The following MTMR8 variants were observed in gnomAD, a reference collection of about 807,000 sequenced individuals.
MTMR8 encodes myotubularin related protein 8.
In MTMR8, 65 loss-of-function variants were observed where a neutral mutation model predicts 39.3. That is an observed-to-expected ratio of 1.65 (90% CI 1.35 to 2.03). The LOEUF is 2.03. Ranked by LOEUF, MTMR8 falls within the 30% of genes most tolerant of loss-of-function variation. The pLI is 0.00. For missense variants in MTMR8, 777 were observed against 538.9 expected (o/e 1.44, Z -4.37); for synonymous variants, 245 against 185.2 (o/e 1.32, Z -2.62).
At chrX:64,306,242 A>T (rs1922114189) in intron 12 of MTMR8, 1 of 333,758 alleles carries the variant, frequency 3.0e-6, no homozygotes, top group Admixed American at 2.9e-5. Flanking sequence ...CATTCTGATG[A>T]AGTGAATGGA....
At chrX:64,375,835 C>A (rs904663400) in intron 1 of MTMR8, among the ~76,000 whole-genome samples, 1 of 111,725 alleles carries the variant, frequency 9.0e-6, no homozygotes, top group South Asian at 3.8e-4. Context: ...GTGTCCCCAC[C>A]CAAATCTCAT....
At chrX:64,360,256 C>A in intron 1 of MTMR8, 2 of 165,312 alleles carry the variant, frequency 1.2e-5, no homozygotes, top group Admixed American at 7.6e-5. Flanking sequence ...AAGATATAGC[C>A]ATCATAAATA....
At chrX:64,318,164 G>T (rs757994727) in intron 12 of MTMR8, among the ~76,000 whole-genome samples, 2 of 112,014 alleles carry the variant, frequency 1.8e-5, no homozygotes, top group Admixed American at 1.9e-4. Context: ...GACACCTCAG[G>T]AACAGAAGTG....
At chrX:64,394,540 T>C (rs1232980877) in intron 1 of MTMR8, among the ~76,000 whole-genome samples, 5 of 111,598 alleles carry the variant, frequency 4.5e-5, no homozygotes, top group Non-Finnish European at 9.4e-5. Flanking sequence ...CACAGACTAG[T>C]TGTGAATTTT....
In MTMR8 at chrX:64,299,459, G is replaced by T. The variant is rs1325512440; in HGVS notation, c.1482-28386C>A. Among the ~76,000 whole-genome samples the T allele has an allele frequency of 3.7e-5, 4 of 107,306 alleles. No individual in the cohort carries two copies. The East Asian group carries it at 8.8e-4, about 24-fold the overall frequency. The allele number at this position is 107,306 out of a possible 115,157, so 93.2% of individuals were successfully genotyped here. A position where few individuals can be genotyped will look rare whatever the true frequency, so the allele number is the denominator to read the frequency against. ...ATCATTTTTTATTGTGTCTATTTGAGTCTTCTCTCTTTTTTTCTTTATTAG... is the reference window on the plus strand; with the variant it reads ...ATCATTTTTTATTGTGTCTATTTGATTCTTCTCTCTTTTTTTCTTTATTAG... On this transcript the variant is annotated intron_variant, in intron 12 of 13. Coordinates refer to ENST00000374852, the MANE Select transcript of MTMR8 (RefSeq NM_017677.4).
chrX:64,302,623 A>T (rs188373652), intron 12 of MTMR8, among the ~76,000 whole-genome samples: 1 of 112,717 alleles, frequency 8.9e-6, no homozygotes, highest in African/African-American at 3.2e-5. Flanking sequence ...TCTTCATTAC[A>T]GGTTAGGAAC....
At chrX:64,349,240 T>G (rs1202097383) in intron 5 of MTMR8, among the ~76,000 whole-genome samples, 1 of 111,503 alleles carries the variant, frequency 9.0e-6, no homozygotes, top group Non-Finnish European at 1.9e-5. Context: ...TAATGCCAAA[T>G]CAGAAGGGTG....
intron 12 of MTMR8, among the ~76,000 whole-genome samples, chrX:64,274,101 A>T (rs1931822476): frequency 1.8e-5 from 2 of 111,574 alleles, no homozygotes; most frequent in Non-Finnish European, 3.8e-5. Context: ...CTGTGGACCA[A>T]ATGGACCTAA....
At chrX:64,350,853 C>A (rs1040873068) in intron 4 of MTMR8, among the ~76,000 whole-genome samples, 6 of 111,248 alleles carry the variant, frequency 5.4e-5, no homozygotes, top group African/African-American at 2.0e-4. Context: ...ATTATAACAC[C>A]ACAGACCTGA....
rs1245322079 is a variant in MTMR8, at chrX:64,331,565, T to TTCCCGA, written c.1338_1343dup (p.Asp446_Arg447dup). 8.3e-7 allele frequency: 1 copy of TTCCCGA among 1,209,190 alleles called. No individual in the cohort carries two copies. Among genetic ancestry groups the TTCCCGA allele is most frequent in the Admixed American group, 2.2e-5 (1 of 45,871 alleles). On this transcript the variant is annotated inframe_insertion, in exon 11 of 14. Coordinates refer to ENST00000374852, the MANE Select transcript of MTMR8 (RefSeq NM_017677.4). ...TCACAAAGTAAATTCACCTTAGATC[T>TTCCCGA]TCCCGATCCTTCTGGCAGTTACCAA...
At chrX:64,279,437 G>C (rs1032375884) in intron 12 of MTMR8, among the ~76,000 whole-genome samples, 1 of 111,716 alleles carries the variant, frequency 9.0e-6, no homozygotes, top group Non-Finnish European at 1.9e-5. Flanking sequence ...CAGGTAAGAG[G>C]CTTATAAACA....
At chrX:64,360,390 C>CA (rs60554048) in intron 1 of MTMR8, 13,162 of 183,262 alleles carry the variant, frequency 0.072, 290 homozygotes, top group African/African-American at 0.15. Context: ...TCAAGCAGAC[C>CA]AAAAAAAAAA....
rs774737743 is a variant in MTMR8 at position 64,314,808 on chromosome X, C to T, written c.1481+13964G>A. On this transcript the variant is annotated intron_variant, in intron 12 of 13. Coordinates refer to ENST00000374852, the MANE Select transcript of MTMR8 (RefSeq NM_017677.4). ...GAGTGGGTGGGATGGTACGTGACCT[C>T]GGGGGCCACCCTGCTATAGCTCATC... 6.3e-5 allele frequency among the ~76,000 whole-genome samples: 7 copies of T among 111,841 alleles called. No homozygotes were observed. The South Asian group carries it at 1.9e-3, about 30-fold the overall frequency.
At chrX:64,288,635 T>C (rs976339554) in intron 12 of MTMR8, among the ~76,000 whole-genome samples, 8 of 111,899 alleles carry the variant, frequency 7.1e-5, no homozygotes, top group Non-Finnish European at 1.5e-4. Flanking sequence ...CCAACAATGA[T>C]AGATTGGATT....
At chrX:64,292,515 G>T (rs1444162416) in intron 12 of MTMR8, among the ~76,000 whole-genome samples, 4 of 110,593 alleles carry the variant, frequency 3.6e-5, no homozygotes, top group Non-Finnish European at 7.6e-5. Flanking sequence ...GAAGATCCTG[G>T]GGAAGAGAAC....
intron 8 of MTMR8, among the ~76,000 whole-genome samples, chrX:64,338,677 T>C (rs1923138425): frequency 8.9e-6 from 1 of 111,774 alleles, no homozygotes; most frequent in African/African-American, 3.3e-5. Flanking sequence ...ATCACTGTGG[T>C]GGCAGTAAGG....
At chrX:64,389,923 C>T (rs1036241246) in intron 1 of MTMR8, among the ~76,000 whole-genome samples, 1 of 111,709 alleles carries the variant, frequency 9.0e-6, no homozygotes, top group African/African-American at 3.3e-5. Context: ...ACACTATTTC[C>T]TAGACTGGAA....
chrX:64,280,858 T>A (rs1931992777), intron 12 of MTMR8, among the ~76,000 whole-genome samples: 2 of 111,523 alleles, frequency 1.8e-5, no homozygotes, highest in South Asian at 7.5e-4. Context: ...AGTCTCAGGA[T>A]ACAAAATCAA....
rs758523737 is a variant in MTMR8, at chrX:64,372,654, T to C, written c.25-13127A>G. 2.7e-5 allele frequency among the ~76,000 whole-genome samples: 3 copies of C among 112,014 alleles called. No homozygotes were observed. The South Asian group carries it at 1.1e-3, about 42-fold the overall frequency. On this transcript the variant is annotated intron_variant, in intron 1 of 13. Transcript: ENST00000374852. ...TCATCCAGGTGTTTGCCTATATCAA[T>C]AGTTTACCTCTTTTCATTGATTAAC... is the stretch of plus-strand genomic sequence containing the variant.
Sources: allele counts gnomAD v4.1 joint callset (sites outside exome capture counted in the v4.1 genomes callset), GRCh38; gene constraint gnomAD v4.1.1; transcripts MANE v1.5; gene names NCBI Gene and HGNC (gene_info 2026-07-23, HGNC 2026-07-21).